Variants in RTN4RL1 observed in about 807,000 individuals in gnomAD.
RTN4RL1 encodes reticulon-4 receptor-like 1.
In RTN4RL1, 7 loss-of-function variants were observed where a neutral mutation model predicts 25.6. The ratio of observed to expected loss-of-function variants is 0.27; its 90% CI spans 0.16 to 0.51. The LOEUF (loss-of-function observed/expected upper bound fraction) is 0.51. RTN4RL1 is among the 20% of genes least tolerant of loss of function. The pLI is 0.97. For missense variants in RTN4RL1, 500 were observed against 615.6 expected, an observed-to-expected ratio of 0.81 and a Z score of 1.99; for synonymous variants, 297 against 288.2, an observed-to-expected ratio of 1.03 and a Z score of -0.31.
Position 1,935,454 on chromosome 17 carries a change from G to T in RTN4RL1, c.*1042C>A. 1 of 634,552 alleles carries T rather than the reference G, an allele frequency of 1.6e-6. No individual in the cohort carries two copies. The highest frequency in any genetic ancestry group is 2.0e-6 in the Non-Finnish European group (1 of 509,256). The allele number at this position is 634,552 out of a possible 1,614,324, so 39.3% of individuals were successfully genotyped here. On this transcript the variant is annotated 3_prime_UTR_variant, in exon 2 of 2. Coordinates refer to ENST00000331238, the MANE Select transcript of RTN4RL1 (RefSeq NM_178568.4). ...ATGCTCTAAATATCTAAGAATATTG[G>T]TCCCCCAAAGTGACTCTTGCTGCCT...
At chr17:2,016,540 TG>T (rs1432990517) in intron 1 of RTN4RL1, among the ~76,000 whole-genome samples, 1 of 152,208 alleles carries the variant, frequency 6.6e-6, no homozygotes, top group Non-Finnish European at 1.5e-5. Flanking sequence ...CCAGCTCCGT[TG>T]GTCTTTCCAC....
Position 1,937,385 on chromosome 17 carries a change from C to T in RTN4RL1, c.437G>A (p.Gly146Asp), listed in dbSNP as rs199769480. 413 of 1,613,678 alleles carry T rather than the reference C, an allele frequency of 2.6e-4. 4 individuals carry two copies. Among genetic ancestry groups the T allele is most frequent in the Middle Eastern group, 2.5e-3 (15 of 6,062 alleles). Residue 146 changes from glycine (G) to aspartate (D), a missense_variant, in exon 2 of 2, where the codon GGC becomes GAC. By Grantham distance (94) the Gly-to-Asp change is moderately conservative (BLOSUM62 -1). Around this residue, in one of 2 missense-constraint regions of RTN4RL1, gnomAD observed 232 missense variants for 341.1 expected, o/e 0.68. Transcript: ENST00000331238. ...GLSALPAGVF[G>D]GLHSLQYLYL... ...GAGGTACTGCAGGCTGTGCAGGCCG[C>T]CAAAGACGCCGGCCGGCAAGGCGCT...
intron 1 of RTN4RL1, among the ~76,000 whole-genome samples, chr17:1,953,575 T>A (rs7213373): frequency 0.18 from 26,249 of 149,340 alleles, 2,400 homozygotes; most frequent in Non-Finnish European, 0.18. Context: ...AAAAAAAAAA[T>A]TTTTTTTTGA....
At chr17:1,957,942 C>T (rs908845269) in intron 1 of RTN4RL1, among the ~76,000 whole-genome samples, 3 of 151,352 alleles carry the variant, frequency 2.0e-5, no homozygotes, top group African/African-American at 4.9e-5. Context: ...TTTGGGAGGC[C>T]GAGGCAGGAG....
intron 1 of RTN4RL1, among the ~76,000 whole-genome samples, chr17:1,983,065 T>TG (rs1388150308): frequency 6.6e-6 from 1 of 151,418 alleles, no homozygotes; most frequent in African/African-American, 2.4e-5. Context: ...TTTTTTTTTT[T>TG]CCTGAGACAG....
At position 1,936,302 on chromosome 17, in the gene RTN4RL1, C is replaced by T; in HGVS notation, c.*194G>A. 3.6e-6 allele frequency: 5 copies of T among 1,376,950 alleles called. No homozygotes were observed. Among genetic ancestry groups the T allele is most frequent in the Non-Finnish European group, 2.8e-6 (3 of 1,072,514 alleles). 85.3% of individuals were successfully genotyped at this position (1,376,950 alleles called of 1,614,324 possible). A position where few individuals can be genotyped will look rare whatever the true frequency, so the allele number is the denominator to read the frequency against. ...TGGGACAGCCGGCTGAGAAGCGCCA[C>T]CCCCTCCCGCCTAGGGCTGTACACT... On this transcript the variant is annotated 3_prime_UTR_variant, in exon 2 of 2. Coordinates refer to ENST00000331238, the MANE Select transcript of RTN4RL1 (RefSeq NM_178568.4).
intron 1 of RTN4RL1, among the ~76,000 whole-genome samples, chr17:1,983,274 G>A (rs1389912441): frequency 6.6e-6 from 1 of 152,096 alleles, no homozygotes; most frequent in Non-Finnish European, 1.5e-5. Context: ...TTGAACCCCT[G>A]GCCTCAAGTG....
At position 2,009,933 on chromosome 17, in the gene RTN4RL1, A is replaced by G. The variant is rs1012976134; in HGVS notation, c.13+14920T>C. On this transcript the variant is annotated intron_variant, in intron 1 of 1. Transcript: ENST00000331238. ...ACTGTAGCAAGCACATGCCTGACGC[A>G]GGGCCTTTGCACCTGCTATTGTTCC... Among the ~76,000 whole-genome samples the G allele has an allele frequency of 2.3e-5, 3 of 128,882 alleles. 1 individual carries two copies. Among genetic ancestry groups the G allele is most frequent in the Non-Finnish European group, 4.9e-5 (3 of 61,092 alleles). 84.6% of individuals were successfully genotyped at this position (128,882 alleles called of 152,430 possible). A position where few individuals can be genotyped will look rare whatever the true frequency, so the allele number is the denominator to read the frequency against.
intron 1 of RTN4RL1, among the ~76,000 whole-genome samples, chr17:1,953,980 T>C (rs1415882995): frequency 6.6e-6 from 1 of 152,226 alleles, no homozygotes; most frequent in Non-Finnish European, 1.5e-5. Flanking sequence ...CTTTCAACCA[T>C]GAAGGGACCA....
At chr17:1,980,268 A>G (rs1471657099) in intron 1 of RTN4RL1, among the ~76,000 whole-genome samples, 1 of 142,674 alleles carries the variant, frequency 7.0e-6, no homozygotes, top group Non-Finnish European at 1.5e-5. Flanking sequence ...ACAGGACCTC[A>G]CTATGTTGCC....
At chr17:2,002,695 G>T (rs893518075) in intron 1 of RTN4RL1, among the ~76,000 whole-genome samples, 1 of 150,680 alleles carries the variant, frequency 6.6e-6, no homozygotes, top group Non-Finnish European at 1.5e-5. Flanking sequence ...TCCTCCCCAC[G>T]CCCGTCTCTC....
chr17:1,996,965 C>G (rs1285000360), intron 1 of RTN4RL1, among the ~76,000 whole-genome samples: 1 of 152,166 alleles, frequency 6.6e-6, no homozygotes, highest in African/African-American at 2.4e-5. Context: ...CAGTCATAAC[C>G]CAAGCCAGGC....
intron 1 of RTN4RL1, among the ~76,000 whole-genome samples, chr17:1,975,805 GAC>G (rs1379562672): frequency 6.6e-6 from 1 of 152,148 alleles, no homozygotes; most frequent in Admixed American, 6.5e-5. Context: ...AGCCAATTCT[GAC>G]ACAGTTTCTT....
chr17:2,010,905 G>A (rs1003090187), intron 1 of RTN4RL1, among the ~76,000 whole-genome samples: 2 of 152,128 alleles, frequency 1.3e-5, no homozygotes, highest in South Asian at 2.1e-4. Context: ...TTTATTCATC[G>A]CTTCACCCTC....
Position 1,936,748 on chromosome 17 carries a change from G to T in RTN4RL1, c.1074C>A (p.Asn358Lys), listed in dbSNP as rs1013199849. ...GHRKPGKNCT[N>K]PRNRNQISKA... ...TAGAGATCTGATTGCGGTTCCTGGGGTTGGTGCAGTTCTTCCCCGGCTTCC... is the reference window on the plus strand; with the variant it reads ...TAGAGATCTGATTGCGGTTCCTGGGTTTGGTGCAGTTCTTCCCCGGCTTCC... The change falls in exon 2 of 2, where the codon AAC becomes AAA. Residue 358 changes from asparagine (N) to lysine (K), a missense_variant. Around this residue, in one of 2 missense-constraint regions of RTN4RL1, gnomAD observed 268 missense variants for 274.5 expected, o/e 0.98. Transcript: ENST00000331238. 4.4e-6 allele frequency: 7 copies of T among 1,597,100 alleles called. No homozygotes were observed. In the Admixed American group the frequency reaches 5.3e-5, roughly 12 times the overall value.
Position 1,937,344 on chromosome 17 carries a change from G to T in RTN4RL1, c.478C>A (p.His160Asn), listed in dbSNP as rs1915331971. 6.2e-7 allele frequency: 1 copy of T among 1,613,588 alleles called. No individual in the cohort carries two copies. Among genetic ancestry groups the T allele is most frequent in the Non-Finnish European group, 8.5e-7 (1 of 1,179,900 alleles). The change falls in exon 2 of 2, where the codon CAC (histidine) becomes AAC (asparagine). Residue 160 changes from histidine to asparagine, a missense_variant. Physicochemically the swap from His to Asn is moderately conservative, Grantham distance 68. This residue lies in a region of RTN4RL1 where 232 missense variants were observed against 341.1 expected (regional missense o/e 0.68). Coordinates refer to ENST00000331238, the MANE Select transcript of RTN4RL1 (RefSeq NM_178568.4). ...SLQYLYLQDN[H>N]IEYLQDDIFV... ...ATGTCGTCCTGGAGGTACTCGATGTGGTTGTCCTGCAGGTAGAGGTACTGC... is the reference window on the plus strand; with the variant it reads ...ATGTCGTCCTGGAGGTACTCGATGTTGTTGTCCTGCAGGTAGAGGTACTGC...
In RTN4RL1 at chr17:1,961,773, CAA is replaced by C. The variant is rs1163170575; in HGVS notation, c.14-23967_14-23966del. Among the ~76,000 whole-genome samples the C allele has an allele frequency of 4.0e-3, 224 of 55,574 alleles. 1 individual carries two copies. The highest frequency in any genetic ancestry group is 0.013 in the African/African-American group (193 of 14,554). 36.5% of individuals were successfully genotyped at this position (55,574 alleles called of 152,430 possible). ...TGAAACCCTGTCTCCACTAAAAATA[CAA>C]AAAAAAAAAAAAAAAAAAAAAAATT... is the stretch of plus-strand genomic sequence containing the variant. On this transcript the variant is annotated intron_variant, in intron 1 of 1. Coordinates refer to ENST00000331238, the MANE Select transcript of RTN4RL1 (RefSeq NM_178568.4).
At chr17:1,978,265 G>C (rs936541764) in intron 1 of RTN4RL1, among the ~76,000 whole-genome samples, 2 of 152,256 alleles carry the variant, frequency 1.3e-5, no homozygotes, top group Non-Finnish European at 2.9e-5. Flanking sequence ...ACCCGTGCAA[G>C]CGGCCTCCAG....
chr17:1,937,106 T>G lies in RTN4RL1; in HGVS notation c.716A>C (p.Glu239Ala). 1 of 1,608,840 alleles carries G rather than the reference T, an allele frequency of 6.2e-7. No homozygotes were observed. Reference protein sequence around the residue: ...FNNSLSELQGECLAPLGALEF... With the variant: ...FNNSLSELQGACLAPLGALEF... ...CAGGGCCCCCAGCGGGGCCAGGCAC[T>G]CACCCTGCAGCTCCGAGAGGCTGTT... Residue 239 changes from glutamate (E) to alanine (A), a missense_variant, in exon 2 of 2, where the codon GAG (glutamate) becomes GCG (alanine). Around this residue, in one of 2 missense-constraint regions of RTN4RL1, gnomAD observed 232 missense variants for 341.1 expected, o/e 0.68. Transcript: ENST00000331238.
Sources: gnomAD v4.1 joint callset for allele counts (sites outside exome capture counted in the v4.1 genomes callset) on GRCh38, gnomAD v4.1.1 for gene constraint, gnomAD v4.1.1 regional missense constraint, MANE v1.5 for transcripts, NCBI Gene and HGNC (gene_info 2026-07-23, HGNC 2026-07-21) for gene names.